DNAH12: variants seen among roughly 807,000 people sequenced by gnomAD.
DNAH12 encodes dynein axonemal heavy chain 12.
DNAH12 carries 285 observed loss-of-function variants against 371.5 expected under a neutral mutation model. The observed-to-expected ratio is 0.77, with a 90% CI of 0.70 to 0.85. The LOEUF (loss-of-function observed/expected upper bound fraction) is 0.85, where lower values mean the gene tolerates loss of function less well. DNAH12 is among the 40% of genes least tolerant of loss of function. The pLI, the probability that DNAH12 is intolerant of heterozygous loss-of-function variation, is 0.00. For synonymous variants in DNAH12, 1,200 were observed against 1,213.0 expected (o/e 0.99, Z 0.22); for missense variants, 3,611 against 3,689.4 (o/e 0.98, Z 0.55).
intron 30 of DNAH12, among the ~76,000 whole-genome samples, chr3:57,434,871 G>GA (rs2065070989): frequency 6.6e-6 from 1 of 151,978 alleles, no homozygotes; most frequent in South Asian, 2.1e-4. Flanking sequence ...AATGAGCCCA[G>GA]AAAAAAACAT....
intron 60 of DNAH12, among the ~76,000 whole-genome samples, chr3:57,349,137 C>T (rs2062612228): frequency 6.6e-6 from 1 of 151,952 alleles, no homozygotes; most frequent in Middle Eastern, 3.2e-3. Flanking sequence ...AGAAAAAAAG[C>T]CAAACAATCT....
At position 57,433,413 on chromosome 3, in the gene DNAH12, G is replaced by A. The variant is rs1372987112; in HGVS notation, c.4934C>T (p.Thr1645Ile). ...TGTGTTCATGCTCTCTATCCACAAA[G>A]TGTCAATAGGACCATCAAATACAAC... The part of the protein sequence containing the change: ...KWVVFDGPID[T>I]LWIESMNTVL... The change falls in exon 32 of 74, where the codon ACT becomes ATT. Residue 1645 changes from threonine (T) to isoleucine (I), a missense_variant. Physicochemically the swap from Thr to Ile is moderately conservative, Grantham distance 89. This residue lies in a region of DNAH12 where 2,266 missense variants were observed against 2,236.9 expected (regional missense o/e 1.01). Transcript: ENST00000495027. 1.3e-6 allele frequency: 2 copies of A among 1,551,358 alleles called. No homozygotes were observed. The highest frequency in any genetic ancestry group is 1.2e-5 in the South Asian group (1 of 84,034).
rs149642425 is a variant in DNAH12 at position 57,341,921 on chromosome 3, C to T, written c.9675-6981G>A. On this transcript the variant is annotated intron_variant, in intron 60 of 73. Transcript: ENST00000495027. ...TGGTACTGGCATACAACCAGACACA[C>T]AGACCAGTGGAACAGAATAGAGAAC... Among the ~76,000 whole-genome samples, 553 of 152,270 alleles carry T rather than the reference C, an allele frequency of 3.6e-3. 5 individuals carry two copies. Among genetic ancestry groups the T allele is most frequent in the African/African-American group, 0.013 (528 of 41,566 alleles).
chr3:57,500,770 T>C (rs2067513971), intron 11 of DNAH12, among the ~76,000 whole-genome samples: 1 of 152,190 alleles, frequency 6.6e-6, no homozygotes, highest in Non-Finnish European at 1.5e-5. Context: ...TTATGCCTTT[T>C]TTTTAAGACA....
intron 16 of DNAH12, among the ~76,000 whole-genome samples, 183 bp downstream of exon 16, chr3:57,470,260 T>C (rs929045555): frequency 6.6e-6 from 1 of 152,116 alleles, no homozygotes; most frequent in Admixed American, 6.5e-5. Flanking sequence ...TCTCAGATAT[T>C]GTATTAGTAA....
chr3:57,345,557 C>A (rs2062520306), intron 60 of DNAH12, among the ~76,000 whole-genome samples: 1 of 152,164 alleles, frequency 6.6e-6, no homozygotes, highest in African/African-American at 2.4e-5. Flanking sequence ...TGATGAGCAT[C>A]ACCTGACATT....
chr3:57,409,310 G>C (rs9846190), intron 39 of DNAH12, among the ~76,000 whole-genome samples: 79,787 of 151,826 alleles, frequency 0.53, 22,182 homozygotes, highest in African/African-American at 0.71. Flanking sequence ...CCAGTCCTTA[G>C]ACTAAAAGCA....
chr3:57,334,588 T>C lies in DNAH12; in HGVS notation c.9855A>G (p.Ile3285Met). 5 of 1,541,566 alleles carry C rather than the reference T, an allele frequency of 3.2e-6. No homozygotes were observed. Among genetic ancestry groups the C allele is most frequent in the Non-Finnish European group, 4.4e-6 (5 of 1,144,900 alleles). ...TGTCATAGATTTCTCGCCATTCATA[T>C]ATATGTTCACAAAAATGTTGCCTAA... ...RGLRQHFCEH[I>M]YEWREIYDSK... Residue 3285 changes from isoleucine (I) to methionine (M), a missense_variant, in exon 62 of 74, where the codon ATA becomes ATG. Transcript: ENST00000495027.
intron 2 of DNAH12, among the ~76,000 whole-genome samples, chr3:57,535,478 G>A (rs192348613): frequency 3.3e-4 from 50 of 152,250 alleles, no homozygotes; most frequent in African/African-American, 1.0e-3. Context: ...CACTATGCTC[G>A]TGAACTTCCC....
At chr3:57,410,282 A>G (rs2064159536) in intron 39 of DNAH12, among the ~76,000 whole-genome samples, 1 of 152,008 alleles carries the variant, frequency 6.6e-6, no homozygotes, top group African/African-American at 2.4e-5. Flanking sequence ...ACATTTTGGT[A>G]ATACTTGCAA....
chr3:57,345,464 C>G (rs2062517214), intron 60 of DNAH12, among the ~76,000 whole-genome samples: 1 of 152,090 alleles, frequency 6.6e-6, no homozygotes, highest in Admixed American at 6.5e-5. Flanking sequence ...TTACTAAACA[C>G]AACGAAAAAT....
At chr3:57,409,864 A>G (rs1485432081) in intron 39 of DNAH12, among the ~76,000 whole-genome samples, 6 of 152,282 alleles carry the variant, frequency 3.9e-5, no homozygotes, top group South Asian at 2.1e-4. Flanking sequence ...TAACCATATC[A>G]CCATAAATTG....
rs1214036437 is a variant in DNAH12, at chr3:57,293,983, A to G, written c.11693-12T>C. 1 of 1,429,304 alleles carries G rather than the reference A, an allele frequency of 7.0e-7. No individual in the cohort carries two copies. The highest frequency in any genetic ancestry group is 9.2e-7 in the Non-Finnish European group (1 of 1,085,600). 88.5% of individuals were successfully genotyped at this position (1,429,304 alleles called of 1,614,324 possible). A position where few individuals can be genotyped will look rare whatever the true frequency, so the allele number is the denominator to read the frequency against. On this transcript the variant is annotated splice_polypyrimidine_tract_variant and intron_variant, in intron 73 of 73. Transcript: ENST00000495027. ...CCGAGATTTTTGAGCTTGAAAAAAA[A>G]AAAGAAATATATTCACTTGATAAAG...
intron 2 of DNAH12, among the ~76,000 whole-genome samples, chr3:57,532,867 T>A (rs2153400827): frequency 6.6e-6 from 1 of 152,182 alleles, no homozygotes; most frequent in African/African-American, 2.4e-5. Context: ...AAGCCGTAGG[T>A]CTCTACAATC....
intron 11 of DNAH12, among the ~76,000 whole-genome samples, chr3:57,494,799 A>AGG (rs2067253672): frequency 6.6e-6 from 1 of 152,030 alleles, no homozygotes; most frequent in South Asian, 2.1e-4. Context: ...GCTTGAGCTC[A>AGG]GGAGTTTGAG....
At chr3:57,472,833 T>A (rs113280937) in intron 13 of DNAH12, among the ~76,000 whole-genome samples, 162 bp from the exon 14 acceptor site, 2 of 152,296 alleles carry the variant, frequency 1.3e-5, no homozygotes, top group African/African-American at 4.8e-5. Context: ...GGTATTTCAA[T>A]AGCTGCAGTA....
chr3:57,319,228 C>G (rs981895842), intron 65 of DNAH12, among the ~76,000 whole-genome samples: 13 of 152,100 alleles, frequency 8.5e-5, no homozygotes, highest in African/African-American at 3.1e-4. Context: ...GTACCCTAAA[C>G]TTTACTGAAT....
At chr3:57,340,896 T>C (rs2062377987) in intron 60 of DNAH12, among the ~76,000 whole-genome samples, 1 of 151,866 alleles carries the variant, frequency 6.6e-6, no homozygotes, top group African/African-American at 2.4e-5. Context: ...AATGCAAAAA[T>C]CTTCAACAAA....
intron 63 of DNAH12, 47 bp from the exon 64 acceptor site, chr3:57,323,307 T>C: frequency 2.0e-6 from 3 of 1,523,688 alleles, no homozygotes; most frequent in South Asian, 1.3e-5. Flanking sequence ...TCTAAAATTA[T>C]AAAAAAGTGC....
Sources: gnomAD v4.1 joint callset for allele counts (sites outside exome capture counted in the v4.1 genomes callset) on GRCh38, gnomAD v4.1.1 for gene constraint, gnomAD v4.1.1 regional missense constraint, MANE v1.5 for transcripts, NCBI Gene and HGNC (gene_info 2026-07-23, HGNC 2026-07-21) for gene names.